PCDH15: variants seen among roughly 807,000 people sequenced by gnomAD.
PCDH15 encodes protocadherin-15.
PCDH15 carries 129 observed loss-of-function variants against 178.5 expected under a neutral mutation model. The ratio of observed to expected loss-of-function variants is 0.72; its 90% CI spans 0.63 to 0.84. PCDH15 has a LOEUF of 0.84. Ranked by LOEUF, PCDH15 falls within the 40% of genes least tolerant of loss-of-function variation. PCDH15 has a pLI of 0.00. For synonymous variants in PCDH15, 800 were observed against 732.0 expected (o/e 1.09, Z -1.50); for missense variants, 2,230 against 2,099.9 (o/e 1.06, Z -1.21).
intron 25 of PCDH15, among the ~76,000 whole-genome samples, chr10:53,924,930 T>G (rs1351702692): frequency 6.6e-6 from 1 of 152,118 alleles, no homozygotes. Flanking sequence ...TTGGAGAACT[T>G]TTGCGTCTAG....
chr10:54,230,869 G>T (rs1309325021), intron 9 of PCDH15, among the ~76,000 whole-genome samples: 1 of 152,032 alleles, frequency 6.6e-6, no homozygotes, highest in Non-Finnish European at 1.5e-5. Flanking sequence ...CACATTAGCT[G>T]CTCATATAAG....
At position 55,002,646 on chromosome 10, in the gene PCDH15, C is replaced by A. The variant is rs973357052; in HGVS notation, c.-79-105146G>T. 3.5e-3 allele frequency among the ~76,000 whole-genome samples: 62 copies of A among 17,650 alleles called. 1 individual carries two copies. Among genetic ancestry groups the A allele is most frequent in the African/African-American group, 1.0e-2 (61 of 6,102 alleles). The allele number at this position is 17,650 out of a possible 152,430, so 11.6% of individuals were successfully genotyped here. A position where few individuals can be genotyped will look rare whatever the true frequency, so the allele number is the denominator to read the frequency against. On this transcript the variant is annotated intron_variant, in intron 2 of 5. Coordinates refer to the PCDH15 transcript ENST00000458638. Reference sequence around the variant, plus strand: ...AGCAGCCAAAGCCTTCTCTTCAGACCAGGGAAAAGGTGACAATCAAAATGG... The same window carrying A: ...AGCAGCCAAAGCCTTCTCTTCAGACAAGGGAAAAGGTGACAATCAAAATGG...
At chr10:54,887,006 A>C (rs1431480536) in intron 3 of PCDH15, among the ~76,000 whole-genome samples, 1 of 152,174 alleles carries the variant, frequency 6.6e-6, no homozygotes, top group Admixed American at 6.5e-5. Context: ...TGCATGTGTT[A>C]GTTTGGGATA....
intron 2 of PCDH15, among the ~76,000 whole-genome samples, chr10:55,049,556 G>A (rs932932756): frequency 6.6e-6 from 1 of 151,760 alleles, no homozygotes; most frequent in Middle Eastern, 3.2e-3. Flanking sequence ...AGAAAAACAT[G>A]AATAGAGAAC....
chr10:55,589,960 G>A (rs11004925), intron 2 of PCDH15, among the ~76,000 whole-genome samples: 1 of 137,980 alleles, frequency 7.2e-6, no homozygotes, highest in Non-Finnish European at 1.6e-5. Flanking sequence ...ATCCCATTAC[G>A]GGGTATATAC....
At chr10:55,449,584 AG>A (rs1839389924) in intron 2 of PCDH15, among the ~76,000 whole-genome samples, 1 of 152,168 alleles carries the variant, frequency 6.6e-6, no homozygotes, top group African/African-American at 2.4e-5. Flanking sequence ...AGGGACATGA[AG>A]AAAAGATAGA....
At chr10:54,481,527 G>T (rs1589636709) in intron 3 of PCDH15, among the ~76,000 whole-genome samples, 1 of 151,552 alleles carries the variant, frequency 6.6e-6, no homozygotes, top group East Asian at 1.9e-4. Context: ...TACATGTTTT[G>T]CATCAAAAAT....
chr10:54,324,913 TAAAG>T (rs1242144491), intron 7 of PCDH15, among the ~76,000 whole-genome samples: 1 of 152,108 alleles, frequency 6.6e-6, no homozygotes, highest in Non-Finnish European at 1.5e-5. Context: ...AAATGATATG[TAAAG>T]AGATTACTTT....
chr10:54,673,102 G>C (rs962674219), intron 1 of PCDH15, among the ~76,000 whole-genome samples: 18 of 151,936 alleles, frequency 1.2e-4, no homozygotes, highest in African/African-American at 3.9e-4. Context: ...TTAAAGTTCT[G>C]GGATACATGT....
chr10:54,860,341 TC>T (rs1209132310), intron 3 of PCDH15, among the ~76,000 whole-genome samples: 1 of 152,066 alleles, frequency 6.6e-6, no homozygotes, highest in Non-Finnish European at 1.5e-5. Context: ...ATTGTTCCCA[TC>T]TTTATGTTCA....
chr10:54,796,266 C>CTATG (rs1554796259), intron 1 of PCDH15, among the ~76,000 whole-genome samples: 3,969 of 85,482 alleles, frequency 0.046, 60 homozygotes, highest in Middle Eastern at 0.067. Flanking sequence ...ATCTATCTAT[C>CTATG]TATCTATGTA....
At chr10:54,476,233 G>T (rs1296265981) in intron 3 of PCDH15, among the ~76,000 whole-genome samples, 1 of 151,792 alleles carries the variant, frequency 6.6e-6, no homozygotes, top group Non-Finnish European at 1.5e-5. Context: ...AATATAGGGA[G>T]TCTGAATCCA....
chr10:55,193,723 GATATTTGTCTTAA>G (rs1182921699), intron 1 of PCDH15, among the ~76,000 whole-genome samples: 15 of 151,988 alleles, frequency 9.9e-5, no homozygotes, highest in Middle Eastern at 3.4e-3. Flanking sequence ...TAGTACTGGA[GATATTTGTCTTAA>G]ATATTCATGA....
intron 2 of PCDH15, among the ~76,000 whole-genome samples, chr10:54,658,724 T>C (rs2094446911): frequency 6.6e-6 from 1 of 152,104 alleles, no homozygotes; most frequent in African/African-American, 2.4e-5. Flanking sequence ...CATAAAGCAA[T>C]TACACAATTG....
At chr10:54,465,476 A>G (rs1387467429) in intron 3 of PCDH15, among the ~76,000 whole-genome samples, 2 of 151,994 alleles carry the variant, frequency 1.3e-5, no homozygotes, top group African/African-American at 4.8e-5. Flanking sequence ...AGCCCCACAT[A>G]TAGTGAGAAC....
intron 2 of PCDH15, among the ~76,000 whole-genome samples, chr10:55,455,972 A>C (rs1477534537): frequency 6.6e-6 from 1 of 152,100 alleles, no homozygotes; most frequent in Non-Finnish European, 1.5e-5. Flanking sequence ...GTATATACAT[A>C]AACGAACTAA....
At chr10:55,404,989 G>GTGGTACT (rs1838162060) in intron 2 of PCDH15, among the ~76,000 whole-genome samples, 1 of 151,592 alleles carries the variant, frequency 6.6e-6, no homozygotes, top group Non-Finnish European at 1.5e-5. Context: ...CCTTTAGAAA[G>GTGGTACT]TGGTACTTAA....
intron 2 of PCDH15, among the ~76,000 whole-genome samples, chr10:54,605,059 AT>A (rs1380967485): frequency 4.0e-5 from 6 of 151,822 alleles, no homozygotes; most frequent in Non-Finnish European, 8.8e-5. Context: ...CCCATTATAG[AT>A]TATTGATATC....
intron 2 of PCDH15, among the ~76,000 whole-genome samples, chr10:55,006,273 G>A (rs868379180): frequency 2.0e-5 from 3 of 151,496 alleles, no homozygotes; most frequent in African/African-American, 4.9e-5. Context: ...TTCTCCCACC[G>A]CCAACCCCAG....
Sources: allele counts gnomAD v4.1 joint callset (sites outside exome capture counted in the v4.1 genomes callset), GRCh38; gene constraint gnomAD v4.1.1; transcripts MANE v1.5; gene names NCBI Gene and HGNC (gene_info 2026-07-23, HGNC 2026-07-21).